PPP3CC: variants seen among roughly 807,000 people sequenced by gnomAD.
The protein encoded by PPP3CC is serine/threonine-protein phosphatase 2B catalytic subunit gamma isoform.
PPP3CC carries 35 observed loss-of-function variants against 60.3 expected under a neutral mutation model. The ratio of observed to expected loss-of-function variants is 0.58; its 90% confidence interval spans 0.44 to 0.77. PPP3CC has a LOEUF of 0.77. PPP3CC is among the 30% of genes least tolerant of loss of function. The pLI is 0.00. For synonymous variants in PPP3CC, 206 were observed against 224.3 expected, an observed-to-expected ratio of 0.92 and a Z score of 0.73; for missense variants, 570 against 628.9, an observed-to-expected ratio of 0.91 and a Z score of 1.00.
At chr8:22,461,654 C>T (rs1837365290) in intron 1 of PPP3CC, among the ~76,000 whole-genome samples, 1 of 151,900 alleles carries the variant, frequency 6.6e-6, no homozygotes, top group Non-Finnish European at 1.5e-5. Flanking sequence ...ATAAGTTACA[C>T]TGATTTAGCT....
At chr8:22,453,628 A>G (rs1275783941) in intron 1 of PPP3CC, among the ~76,000 whole-genome samples, 1 of 152,166 alleles carries the variant, frequency 6.6e-6, no homozygotes, top group Non-Finnish European at 1.5e-5. Flanking sequence ...GTTCAAACCC[A>G]TGTTGTTTGA....
intron 3 of PPP3CC, among the ~76,000 whole-genome samples, chr8:22,489,603 GTATATAA>G (rs1228587157): frequency 2.0e-4 from 27 of 136,784 alleles, no homozygotes; most frequent in Admixed American, 7.9e-4. Context: ...ATATAATAGT[GTATATAA>G]TATATAATAT....
Position 22,475,518 on chromosome 8 carries a change from G to A in PPP3CC, c.266G>A (p.Gly89Glu). ...APITVCGDIH[G>E]QFFDLMKLFE... ...TTCCTAGTATGTGGTGATATTCATG[G>A]ACAATTCTTTGACCTAATGAAGTTA... Residue 89 changes from glycine (G) to glutamate (E), a missense_variant, in exon 3 of 14, where the codon GGA becomes GAA. Physicochemically the swap from Gly to Glu is moderately conservative, Grantham distance 98. Coordinates refer to ENST00000240139, the MANE Select transcript of PPP3CC (RefSeq NM_005605.5). 6.2e-7 allele frequency: 1 copy of A among 1,610,394 alleles called. No individual in the cohort carries two copies. The highest frequency in any genetic ancestry group is 8.5e-7 in the Non-Finnish European group (1 of 1,177,878).
At chr8:22,492,091 G>A (rs1838421907) in intron 3 of PPP3CC, among the ~76,000 whole-genome samples, 1 of 152,058 alleles carries the variant, frequency 6.6e-6, no homozygotes, top group Admixed American at 6.6e-5. Flanking sequence ...AGGTGGTATA[G>A]CCTGCTACAC....
At chr8:22,481,333 C>A in intron 3 of PPP3CC, among the ~76,000 whole-genome samples, 1 of 133,902 alleles carries the variant, frequency 7.5e-6, no homozygotes, top group Non-Finnish European at 1.6e-5. Context: ...GAAACTCTGT[C>A]TCAAGAAAAA....
At chr8:22,504,350 T>C (rs1327374180) in intron 4 of PPP3CC, among the ~76,000 whole-genome samples, 2 of 152,172 alleles carry the variant, frequency 1.3e-5, no homozygotes, top group East Asian at 3.9e-4. Flanking sequence ...TGTCCAGGCT[T>C]GAGTACAATT....
intron 3 of PPP3CC, among the ~76,000 whole-genome samples, chr8:22,494,649 G>A (rs1041097615): frequency 6.6e-6 from 1 of 152,054 alleles, no homozygotes; most frequent in Admixed American, 6.5e-5. Flanking sequence ...GTGCTTTTGT[G>A]GTCACTGGTA....
intron 5 of PPP3CC, among the ~76,000 whole-genome samples, chr8:22,512,369 G>A (rs1390059291): frequency 5.3e-5 from 8 of 152,140 alleles, no homozygotes; most frequent in Non-Finnish European, 1.0e-4. Flanking sequence ...TCACGCAGTA[G>A]AAATTCTCTT....
At chr8:22,531,171 A>G in intron 10 of PPP3CC, 1 of 834,460 alleles carries the variant, frequency 1.2e-6, no homozygotes, top group Non-Finnish European at 1.9e-6. Context: ...ATGAGCTGGT[A>G]AAGATAATAG....
intron 4 of PPP3CC, among the ~76,000 whole-genome samples, chr8:22,510,449 C>T (rs1234394750): frequency 6.6e-6 from 1 of 152,104 alleles, no homozygotes; most frequent in Non-Finnish European, 1.5e-5. Flanking sequence ...CTTCAACACC[C>T]CTAAGAGATC....
In PPP3CC at chr8:22,532,249, T is replaced by G. The variant is rs1294888334; in HGVS notation, c.1166T>G (p.Ile389Ser). ...AEGSTTVRKEIIRNKIRAIGK... is the reference protein window; with the variant it reads ...AEGSTTVRKESIRNKIRAIGK... ...GGAAGCACTACAGTTCGTAAGGAGA[T>G]CATCAGGAATAAGATCAGAGCCATT... Residue 389 changes from isoleucine (I) to serine (S), a missense_variant, in exon 11 of 14, where the codon ATC (isoleucine) becomes AGC (serine). Transcript: ENST00000240139. The G allele has an allele frequency of 6.2e-7, 1 of 1,612,830 alleles. No homozygotes were observed. The highest frequency in any genetic ancestry group is 1.1e-5 in the South Asian group (1 of 91,056).
At chr8:22,526,155 C>G (rs1375528784) in intron 8 of PPP3CC, among the ~76,000 whole-genome samples, 7 of 152,270 alleles carry the variant, frequency 4.6e-5, no homozygotes, top group African/African-American at 1.7e-4. Flanking sequence ...CTTTCATATT[C>G]TTTAGACTTC....
In PPP3CC at chr8:22,474,997, A is replaced by G; in HGVS notation, c.93A>G (p.Val31=). 4 of 1,610,716 alleles carry G rather than the reference A, an allele frequency of 2.5e-6. No homozygotes were observed. In the South Asian group the frequency reaches 3.3e-5, roughly 13 times the overall value. The part of the protein sequence containing the change: ...PPTQRLTFKE[V]FENGKPKVDV... ...CCCAACGGCTTACTTTCAAGGAAGT[A>G]TTTGAGAATGGGAAACCTAAAGTTG... The change falls in exon 2 of 14, where the codon GTA becomes GTG. Residue 31 remains valine (V), a synonymous_variant. Transcript: ENST00000240139.
At chr8:22,471,096 G>A (rs1176504571) in intron 1 of PPP3CC, among the ~76,000 whole-genome samples, 10 of 152,022 alleles carry the variant, frequency 6.6e-5, no homozygotes, top group Non-Finnish European at 4.4e-5. Context: ...TTATTTAGGG[G>A]ATTTCACCCC....
At chr8:22,454,539 T>C (rs1291692082) in intron 1 of PPP3CC, among the ~76,000 whole-genome samples, 3 of 152,292 alleles carry the variant, frequency 2.0e-5, no homozygotes, top group South Asian at 2.1e-4. Flanking sequence ...CAGTAACATA[T>C]TTGTTATCGT....
At chr8:22,479,756 A>C (rs1047651566) in intron 3 of PPP3CC, among the ~76,000 whole-genome samples, 17 of 151,728 alleles carry the variant, frequency 1.1e-4, no homozygotes, top group Admixed American at 1.1e-3. Flanking sequence ...AAAAAAAAAA[A>C]AAAAGAAAAG....
At chr8:22,494,300 G>A (rs545743858) in intron 3 of PPP3CC, among the ~76,000 whole-genome samples, 3 of 152,124 alleles carry the variant, frequency 2.0e-5, no homozygotes, top group Non-Finnish European at 4.4e-5. Context: ...CAAGAATGAG[G>A]AAGAAGCAAA....
intron 3 of PPP3CC, among the ~76,000 whole-genome samples, chr8:22,495,336 T>C (rs1838536082): frequency 6.6e-6 from 1 of 152,162 alleles, no homozygotes; most frequent in South Asian, 2.1e-4. Context: ...TGCTTTATTG[T>C]GTGAGTGCAT....
chr8:22,530,537 A>AATG (rs1839679829), intron 10 of PPP3CC, among the ~76,000 whole-genome samples: 1 of 150,852 alleles, frequency 6.6e-6, no homozygotes, highest in African/African-American at 2.4e-5. Context: ...ATAAATAAAT[A>AATG]AAAAGGAAGA....
Sources: allele counts gnomAD v4.1 joint callset (sites outside exome capture counted in the v4.1 genomes callset), GRCh38; gene constraint gnomAD v4.1.1; transcripts MANE v1.5; gene names NCBI Gene and HGNC (gene_info 2026-07-23, HGNC 2026-07-21).